The following TTC39C variants were observed in gnomAD, a reference collection of about 807,000 sequenced individuals.
TTC39C encodes the protein tetratricopeptide repeat domain 39C, also known as tetratricopeptide repeat protein 39C.
Under a neutral mutation model 76.3 loss-of-function variants are expected in TTC39C, and 33 were observed. That is an observed-to-expected ratio of 0.43 (90% confidence interval 0.33 to 0.58). The LOEUF is 0.58. Ranked by LOEUF, TTC39C falls within the 20% of genes least tolerant of loss-of-function variation. TTC39C has a pLI of 0.04. For synonymous variants in TTC39C, 254 were observed against 260.6 expected (o/e 0.97, Z 0.24); for missense variants, 595 against 701.4 (o/e 0.85, Z 1.71).
intron 6 of TTC39C, among the ~76,000 whole-genome samples, chr18:24,107,888 A>AGT (rs1555776832): frequency 4.4e-5 from 6 of 136,400 alleles, no homozygotes; most frequent in Admixed American, 7.2e-5. Flanking sequence ...CCTCCCAAGT[A>AGT]GGGGGGGGGG....
In TTC39C at chr18:24,122,500, C is replaced by CAAAAAAAAAAA. The variant is rs36002596; in HGVS notation, c.1187-1324_1187-1314dup. On this transcript the variant is annotated intron_variant, in intron 8 of 13. Transcript: ENST00000317571. ...CTGGTGACAGAGCAAGACTCCATCTCAAAAAAAAAAAAAAAAAAAAGAAGA... is the reference window on the plus strand; with the variant it reads ...CTGGTGACAGAGCAAGACTCCATCTCAAAAAAAAAAAAAAAAAAAAAAAAAAAAAAAGAAGA... 3.4e-3 allele frequency among the ~76,000 whole-genome samples: 172 copies of CAAAAAAAAAAA among 50,960 alleles called. 19 individuals carry two copies. Among genetic ancestry groups the CAAAAAAAAAAA allele is most frequent in the African/African-American group, 7.9e-3 (79 of 10,044 alleles). 33.4% of individuals were successfully genotyped at this position (50,960 alleles called of 152,430 possible).
chr18:24,093,974 TC>T (rs1342462594), intron 6 of TTC39C, among the ~76,000 whole-genome samples: 3 of 152,144 alleles, frequency 2.0e-5, no homozygotes, highest in Non-Finnish European at 4.4e-5. Context: ...GATTGACTCT[TC>T]CTTTCACGAA....
intron 9 of TTC39C, among the ~76,000 whole-genome samples, chr18:24,124,942 G>A (rs1205542393): frequency 1.3e-5 from 2 of 152,172 alleles, no homozygotes; most frequent in Non-Finnish European, 2.9e-5. Context: ...GCTCAGGCTG[G>A]AGTGCAATGG....
intron 6 of TTC39C, among the ~76,000 whole-genome samples, chr18:24,112,241 C>G (rs924986330): frequency 3.3e-5 from 5 of 152,212 alleles, no homozygotes; most frequent in Non-Finnish European, 7.3e-5. Flanking sequence ...TTGAAGGATA[C>G]ATGTGATTGT....
chr18:24,109,563 G>A (rs56142284), intron 6 of TTC39C, among the ~76,000 whole-genome samples: 6,879 of 152,190 alleles, frequency 0.045, 459 homozygotes, highest in African/African-American at 0.15. Flanking sequence ...TGAAACGCAT[G>A]GCTTTAAAAA....
In TTC39C at chr18:24,123,882, A is replaced by G. The variant is rs781003554; in HGVS notation, c.1235A>G (p.Lys412Arg). ...GTGGATGGGGCACAGATTGTCTTTA[A>G]AGAAGTTCAGAAACTCTTCAAAAGG... ...GDVDGAQIVF[K>R]EVQKLFKRKN... The change falls in exon 9 of 14, where the codon AAA becomes AGA. Residue 412 changes from lysine to arginine, a missense_variant. By Grantham distance (26) the Lys-to-Arg change is conservative (BLOSUM62 2). Coordinates refer to ENST00000317571, the MANE Select transcript of TTC39C (RefSeq NM_001135993.2). 7 of 1,613,136 alleles carry G rather than the reference A, an allele frequency of 4.3e-6. No individual in the cohort carries two copies. Among genetic ancestry groups the G allele is most frequent in the Non-Finnish European group, 5.9e-6 (7 of 1,179,846 alleles).
intron 8 of TTC39C, among the ~76,000 whole-genome samples, chr18:24,119,948 T>G (rs1179062022): frequency 2.2e-5 from 3 of 138,058 alleles, no homozygotes; most frequent in African/African-American, 9.2e-5. Context: ...CGTGGCTGTA[T>G]AGAGGAACAT....
chr18:24,079,197 A>G (rs183089764), intron 4 of TTC39C, among the ~76,000 whole-genome samples: 1 of 152,286 alleles, frequency 6.6e-6, no homozygotes, highest in East Asian at 1.9e-4. Context: ...GTTATGAGAG[A>G]ACTTTATTTT....
chr18:24,011,998 A>G (rs1437240760), upstream of TTC39C, among the ~76,000 whole-genome samples: 1 of 152,184 alleles, frequency 6.6e-6, no homozygotes, highest in Non-Finnish European at 1.5e-5. Context: ...AATTTGCACC[A>G]TGACTTCTTA....
At chr18:24,066,833 C>T (rs1047630944) in intron 3 of TTC39C, among the ~76,000 whole-genome samples, 5 of 152,206 alleles carry the variant, frequency 3.3e-5, no homozygotes, top group African/African-American at 1.2e-4. Context: ...GGCCAAGTGT[C>T]CCGCCTCCTG....
intron 1 of TTC39C, among the ~76,000 whole-genome samples, chr18:23,996,831 C>T (rs368289431): frequency 2.3e-4 from 35 of 152,238 alleles, no homozygotes; most frequent in African/African-American, 7.7e-4. Flanking sequence ...ATCAGTTGGC[C>T]GGGCACAGTG....
intron 2 of TTC39C, among the ~76,000 whole-genome samples, chr18:24,064,910 G>A (rs1489354576): frequency 6.6e-6 from 1 of 152,166 alleles, no homozygotes; most frequent in Non-Finnish European, 1.5e-5. Flanking sequence ...TTTATTCAAG[G>A]TATTTATTTC....
At chr18:24,109,176 C>CAAAAAAAAAAAAAAAAAAAAAAAAA (rs35872928) in intron 6 of TTC39C, among the ~76,000 whole-genome samples, 8 of 73,872 alleles carry the variant, frequency 1.1e-4, no homozygotes, top group African/African-American at 3.0e-4. Context: ...CCCGTCTCTA[C>CAAAAAAAAAAAAAAAAAAAAAAAAA]AAAAAAAAAA....
At chr18:24,008,588 G>A (rs1186288817) in intron 1 of TTC39C, among the ~76,000 whole-genome samples, 1 of 152,224 alleles carries the variant, frequency 6.6e-6, no homozygotes, top group Non-Finnish European at 1.5e-5. Context: ...TGGTTGGAGT[G>A]TAAATTAGTC....
At chr18:24,014,274 G>C (rs2083417410), upstream of TTC39C, 1 of 151,952 alleles carries the variant, frequency 6.6e-6, no homozygotes, top group Non-Finnish European at 1.5e-5. Context: ...AAAGCGCCGC[G>C]CGCTAGCATA....
At chr18:24,067,284 T>C (rs538985600) in intron 3 of TTC39C, among the ~76,000 whole-genome samples, 6 of 152,210 alleles carry the variant, frequency 3.9e-5, no homozygotes, top group Non-Finnish European at 8.8e-5. Flanking sequence ...TCTTAATACC[T>C]CTTGAATTCA....
upstream of TTC39C, among the ~76,000 whole-genome samples, chr18:24,013,239 C>T (rs1406696320): frequency 6.6e-6 from 1 of 152,190 alleles, no homozygotes; most frequent in African/African-American, 2.4e-5. Context: ...GTGAATCGTC[C>T]ATTTTCTTGC....
chr18:24,020,301 T>G (rs2083503487), intron 1 of TTC39C: 6 of 993,552 alleles, frequency 6.0e-6, no homozygotes, highest in South Asian at 9.3e-5. Context: ...TGGCTTGAGA[T>G]TCCTTTTAAA....
Position 24,114,548 on chromosome 18 carries a change from C to T in TTC39C, c.985-6C>T. 1.2e-6 allele frequency: 2 copies of T among 1,611,090 alleles called. No individual in the cohort carries two copies. The highest frequency in any genetic ancestry group is 1.7e-6 in the Non-Finnish European group (2 of 1,177,394). ...GCTGGTAATTCTGTTTTCCTTTTCT[C>T]CTTAGTGTCAAATCAACAGTGCCTT... On this transcript the variant is annotated splice_polypyrimidine_tract_variant and splice_region_variant and intron_variant, in intron 6 of 13. Transcript: ENST00000317571.
Sources: allele counts gnomAD v4.1 joint callset (sites outside exome capture counted in the v4.1 genomes callset), GRCh38; gene constraint gnomAD v4.1.1; transcripts MANE v1.5; gene names NCBI Gene and HGNC (gene_info 2026-07-23, HGNC 2026-07-21).